Variants in PARD3B observed in about 807,000 individuals in gnomAD.
PARD3B encodes partitioning defective 3 homolog B.
Under a neutral mutation model 130.2 loss-of-function variants are expected in PARD3B, and 103 were observed. The ratio of observed to expected loss-of-function variants is 0.79; its 90% CI spans 0.67 to 0.93. The LOEUF (loss-of-function observed/expected upper bound fraction) is 0.93, where lower values mean the gene tolerates loss of function less well. Ranked by LOEUF, PARD3B falls within the 40% of genes least tolerant of loss-of-function variation. The pLI is 0.00. For synonymous variants in PARD3B, 583 were observed against 553.2 expected (o/e 1.05, Z -0.76); for missense variants, 1,609 against 1,499.2 (o/e 1.07, Z -1.21).
chr2:204,704,749 T>A (rs143129399), intron 2 of PARD3B, among the ~76,000 whole-genome samples: 59 of 152,284 alleles, frequency 3.9e-4, no homozygotes, highest in African/African-American at 5.8e-4. Context: ...GGCCACTAAT[T>A]TTTTTCCTAG....
At chr2:204,841,381 C>T (rs1056696655) in intron 2 of PARD3B, among the ~76,000 whole-genome samples, 2 of 152,132 alleles carry the variant, frequency 1.3e-5, no homozygotes, top group Non-Finnish European at 2.9e-5. Flanking sequence ...AGCACATATA[C>T]AAGAACAAGG....
chr2:205,329,616 G>A (rs865909094), intron 18 of PARD3B, among the ~76,000 whole-genome samples: 4 of 152,306 alleles, frequency 2.6e-5, no homozygotes, highest in South Asian at 4.1e-4. Context: ...AGCAACATGC[G>A]GTAGGCTAGA....
intron 14 of PARD3B, among the ~76,000 whole-genome samples, chr2:205,190,859 C>T (rs967240440): frequency 4.6e-5 from 7 of 152,112 alleles, no homozygotes; most frequent in Non-Finnish European, 7.4e-5. Flanking sequence ...GGGGAAAGCT[C>T]ATGTTTGCAG....
At chr2:204,569,964 C>T (rs1312182255) in intron 1 of PARD3B, among the ~76,000 whole-genome samples, 1 of 152,012 alleles carries the variant, frequency 6.6e-6, no homozygotes, top group Non-Finnish European at 1.5e-5. Context: ...CCTGTTTGGG[C>T]CTGGAATATT....
intron 2 of PARD3B, among the ~76,000 whole-genome samples, chr2:204,924,583 T>A (rs911457943): frequency 1.3e-5 from 2 of 152,140 alleles, no homozygotes; most frequent in Non-Finnish European, 2.9e-5. Flanking sequence ...CCCTCTCAAA[T>A]ATCTTCTGAA....
intron 18 of PARD3B, among the ~76,000 whole-genome samples, chr2:205,369,598 G>A (rs1164342465): frequency 6.6e-6 from 1 of 152,176 alleles, no homozygotes; most frequent in African/African-American, 2.4e-5. Flanking sequence ...TGTAAAAATA[G>A]AGTTAAAGAA....
intron 3 of PARD3B, among the ~76,000 whole-genome samples, chr2:205,033,864 A>G (rs1176856982): frequency 1.3e-5 from 2 of 152,150 alleles, no homozygotes; most frequent in Non-Finnish European, 2.9e-5. Flanking sequence ...AGGGCAGTAG[A>G]TTCCTCTATA....
chr2:205,489,808 C>T (rs1027459509), intron 20 of PARD3B, among the ~76,000 whole-genome samples: 9 of 152,084 alleles, frequency 5.9e-5, no homozygotes, highest in East Asian at 3.9e-4. Flanking sequence ...GTTACACTGT[C>T]GGGGTCACTC....
intron 19 of PARD3B, among the ~76,000 whole-genome samples, chr2:205,403,021 T>C (rs2046305289): frequency 6.6e-6 from 1 of 152,148 alleles, no homozygotes; most frequent in South Asian, 2.1e-4. Context: ...TCCTTAGCTC[T>C]CCATCATCTA....
At chr2:205,375,228 T>A (rs2044994511) in intron 18 of PARD3B, among the ~76,000 whole-genome samples, 1 of 152,204 alleles carries the variant, frequency 6.6e-6, no homozygotes, top group African/African-American at 2.4e-5. Context: ...TGGATAAAAA[T>A]TATTTAACGT....
intron 3 of PARD3B, among the ~76,000 whole-genome samples, chr2:205,007,070 G>A (rs1695325455): frequency 6.6e-6 from 1 of 152,128 alleles, no homozygotes; most frequent in African/African-American, 2.4e-5. Context: ...ATTGGATCAT[G>A]GAGGCAGTTT....
intron 22 of PARD3B, among the ~76,000 whole-genome samples, chr2:205,571,696 G>A (rs925843158): frequency 6.6e-6 from 1 of 152,040 alleles, no homozygotes; most frequent in African/African-American, 2.4e-5. Context: ...AGAGCAGTTG[G>A]TACAATATGG....
chr2:205,596,969 T>C (rs1260080472), intron 22 of PARD3B, among the ~76,000 whole-genome samples: 1 of 152,180 alleles, frequency 6.6e-6, no homozygotes, highest in Non-Finnish European at 1.5e-5. Context: ...TCCTCATTTT[T>C]ACATTGGTCC....
chr2:205,273,719 G>A (rs1196944421), intron 16 of PARD3B, among the ~76,000 whole-genome samples: 1 of 152,218 alleles, frequency 6.6e-6, no homozygotes, highest in East Asian at 1.9e-4. Flanking sequence ...TCAGTCATGT[G>A]TTCACTTGGC....
intron 2 of PARD3B, among the ~76,000 whole-genome samples, chr2:204,929,928 C>T (rs1029345349): frequency 3.4e-4 from 51 of 152,064 alleles, no homozygotes; most frequent in African/African-American, 1.2e-3. Context: ...TTGAGACCAC[C>T]TTTGAGATGA....
At chr2:205,180,166 T>C (rs1324629744) in intron 13 of PARD3B, among the ~76,000 whole-genome samples, 2 of 151,400 alleles carry the variant, frequency 1.3e-5, no homozygotes, top group South Asian at 4.2e-4. Flanking sequence ...AAATCTATTA[T>C]TATATTTTCT....
At chr2:204,590,900 T>C (rs1327845343) in intron 1 of PARD3B, among the ~76,000 whole-genome samples, 1 of 152,218 alleles carries the variant, frequency 6.6e-6, no homozygotes, top group African/African-American at 2.4e-5. Context: ...AAGTTGTATA[T>C]ACAACATAGA....
chr2:205,573,664 T>G (rs895336443), intron 22 of PARD3B, among the ~76,000 whole-genome samples: 2 of 152,160 alleles, frequency 1.3e-5, no homozygotes, highest in African/African-American at 4.8e-5. Context: ...CAAACTGAGG[T>G]TCTATCATTG....
intron 2 of PARD3B, 92 bp downstream of exon 2, chr2:204,686,374 T>G: frequency 1.1e-6 from 1 of 942,720 alleles, no homozygotes. Flanking sequence ...CATGTGTCAA[T>G]TATTATTAAA....
Sources: allele counts gnomAD v4.1 joint callset (sites outside exome capture counted in the v4.1 genomes callset), GRCh38; gene constraint gnomAD v4.1.1; transcripts MANE v1.5; gene names NCBI Gene and HGNC (gene_info 2026-07-23, HGNC 2026-07-21).